The following SLC35F4 variants were observed in gnomAD, a reference collection of about 807,000 sequenced individuals.
SLC35F4 encodes the protein solute carrier family 35 member F4.
SLC35F4 carries 24 observed loss-of-function variants against 44.2 expected under a neutral mutation model. The ratio of observed to expected loss-of-function variants is 0.54; its 90% CI spans 0.39 to 0.76. The LOEUF is 0.76. Ranked by LOEUF, SLC35F4 falls within the 30% of genes least tolerant of loss-of-function variation. The pLI is 0.00. For missense variants in SLC35F4, 562 were observed against 586.1 expected, an observed-to-expected ratio of 0.96 and a Z score of 0.42; for synonymous variants, 238 against 223.6, an observed-to-expected ratio of 1.06 and a Z score of -0.57.
At position 57,866,063 on chromosome 14, in the gene SLC35F4, G is replaced by A. The variant is rs1156738282; in HGVS notation, c.-238C>T. On this transcript the variant is annotated 5_prime_UTR_variant, in exon 1 of 8. Coordinates refer to ENST00000556826, the MANE Select transcript of SLC35F4 (RefSeq NM_001306087.2). ...TCTCCGTCAGCCTGGCAGCTCTCCC[G>A]CGCGCCACCCGGAGCACTGCTGCCC... The A allele has an allele frequency of 3.6e-6, 1 of 275,042 alleles. No individual in the cohort carries two copies. The highest frequency in any genetic ancestry group is 6.6e-6 in the Non-Finnish European group (1 of 150,796). 17.0% of individuals were successfully genotyped at this position (275,042 alleles called of 1,614,324 possible). A position where few individuals can be genotyped will look rare whatever the true frequency, so the allele number is the denominator to read the frequency against.
chr14:57,924,534 C>T (rs528358788), intron 1 of SLC35F4, among the ~76,000 whole-genome samples: 11 of 152,114 alleles, frequency 7.2e-5, no homozygotes, highest in African/African-American at 1.2e-4. Flanking sequence ...CTGCAAGCTC[C>T]GCCTCCTGGG....
chr14:57,585,590 A>T (rs1594949600), intron 3 of SLC35F4, among the ~76,000 whole-genome samples: 1 of 152,128 alleles, frequency 6.6e-6, no homozygotes, highest in African/African-American at 2.4e-5. Flanking sequence ...TATTAAGAAA[A>T]CCCTACCGCC....
At chr14:57,709,977 G>A (rs1172955057) in intron 1 of SLC35F4, among the ~76,000 whole-genome samples, 2 of 152,218 alleles carry the variant, frequency 1.3e-5, no homozygotes, top group Non-Finnish European at 2.9e-5. Context: ...CCTGGCTGCA[G>A]AAATGTGCAT....
intron 1 of SLC35F4, among the ~76,000 whole-genome samples, chr14:57,641,826 C>A (rs544987262): frequency 2.6e-5 from 4 of 152,108 alleles, no homozygotes; most frequent in African/African-American, 9.6e-5. Flanking sequence ...ATAAGCAACA[C>A]TCACCTGTCT....
At chr14:57,712,523 G>A (rs572352598) in intron 1 of SLC35F4, among the ~76,000 whole-genome samples, 1 of 152,126 alleles carries the variant, frequency 6.6e-6, no homozygotes, top group South Asian at 2.1e-4. Context: ...TTAACAAATT[G>A]GTATCTCACA....
intron 1 of SLC35F4, among the ~76,000 whole-genome samples, chr14:57,759,992 C>A (rs1437079820): frequency 6.7e-6 from 1 of 149,680 alleles, no homozygotes; most frequent in Non-Finnish European, 1.5e-5. Context: ...TTTCTTTTTA[C>A]TCTGTTCATT....
At chr14:57,951,868 C>T (rs1288501569) in intron 1 of SLC35F4, among the ~76,000 whole-genome samples, 1 of 152,226 alleles carries the variant, frequency 6.6e-6, no homozygotes, top group Non-Finnish European at 1.5e-5. Context: ...CTTCAGCAGA[C>T]TTAGATGTTT....
intron 1 of SLC35F4, among the ~76,000 whole-genome samples, chr14:57,599,888 C>T (rs981995632): frequency 4.0e-4 from 60 of 151,324 alleles, no homozygotes; most frequent in African/African-American, 1.4e-3. Context: ...TTAATTAAGG[C>T]AGGCACCCAG....
At chr14:57,633,846 T>G (rs530472353) in intron 1 of SLC35F4, among the ~76,000 whole-genome samples, 80 of 152,240 alleles carry the variant, frequency 5.3e-4, no homozygotes, top group African/African-American at 1.7e-3. Flanking sequence ...AAGTTGTGTG[T>G]ATCAATTGTT....
At chr14:57,946,299 T>C (rs1594644251) in intron 1 of SLC35F4, among the ~76,000 whole-genome samples, 1 of 152,236 alleles carries the variant, frequency 6.6e-6, no homozygotes, top group East Asian at 1.9e-4. Flanking sequence ...AGTTGATTTT[T>C]ACACAAGGTG....
chr14:57,714,305 T>C (rs2075883684), intron 1 of SLC35F4, among the ~76,000 whole-genome samples: 1 of 152,148 alleles, frequency 6.6e-6, no homozygotes, highest in South Asian at 2.1e-4. Flanking sequence ...CCTCAAAACA[T>C]GATAAATAAA....
At chr14:57,735,561 A>T (rs2076441860) in intron 1 of SLC35F4, among the ~76,000 whole-genome samples, 1 of 152,180 alleles carries the variant, frequency 6.6e-6, no homozygotes, top group Non-Finnish European at 1.5e-5. Flanking sequence ...ATGCTAGACT[A>T]GCTTTCCCAC....
chr14:57,955,313 A>G (rs1890216749), intron 1 of SLC35F4, among the ~76,000 whole-genome samples: 1 of 152,212 alleles, frequency 6.6e-6, no homozygotes, highest in Non-Finnish European at 1.5e-5. Context: ...ACAGCTATTT[A>G]TGACAAACCC....
At chr14:57,882,578 T>G (rs1888558394) in intron 1 of SLC35F4, among the ~76,000 whole-genome samples, 2 of 152,166 alleles carry the variant, frequency 1.3e-5, no homozygotes, top group South Asian at 4.1e-4. Flanking sequence ...TGCTACAATC[T>G]AGCATTATCA....
intron 1 of SLC35F4, among the ~76,000 whole-genome samples, chr14:57,786,782 C>G (rs1375348909): frequency 6.6e-6 from 1 of 152,156 alleles, no homozygotes; most frequent in Non-Finnish European, 1.5e-5. Flanking sequence ...AGCCCTAGAC[C>G]TTCCCTCTGA....
intron 1 of SLC35F4, among the ~76,000 whole-genome samples, chr14:57,850,214 A>C (rs1468605415): frequency 6.6e-6 from 1 of 152,194 alleles, no homozygotes; most frequent in East Asian, 1.9e-4. Flanking sequence ...GCAAAACTGT[A>C]CTTGGGGAGA....
intron 1 of SLC35F4, among the ~76,000 whole-genome samples, chr14:57,818,145 C>A (rs765145515): frequency 1.3e-5 from 2 of 152,138 alleles, no homozygotes; most frequent in Non-Finnish European, 2.9e-5. Flanking sequence ...TAATCAGAGA[C>A]AAGGAAGAAA....
intron 1 of SLC35F4, among the ~76,000 whole-genome samples, chr14:57,637,242 GTC>G (rs2073050306): frequency 6.6e-6 from 1 of 152,080 alleles, no homozygotes; most frequent in Non-Finnish European, 1.5e-5. Flanking sequence ...AGAAAAAAGT[GTC>G]TCTTTTTCTA....
intron 1 of SLC35F4, among the ~76,000 whole-genome samples, chr14:57,717,130 A>G (rs1486643348): frequency 6.6e-6 from 1 of 152,182 alleles, no homozygotes; most frequent in East Asian, 1.9e-4. Flanking sequence ...GGTTAATTTC[A>G]TATCTTGATT....
Sources: allele counts gnomAD v4.1 joint callset (sites outside exome capture counted in the v4.1 genomes callset), GRCh38; gene constraint gnomAD v4.1.1; transcripts MANE v1.5; gene names NCBI Gene and HGNC (gene_info 2026-07-23, HGNC 2026-07-21).